NAT1: variants seen among roughly 807,000 people sequenced by gnomAD.
The protein encoded by NAT1 is N-acetyltransferase 1, also known as arylamine N-acetyltransferase 1.
For synonymous variants in NAT1, 144 were observed against 122.6 expected, an observed-to-expected ratio of 1.17 and a Z score of -1.16; for missense variants, 400 against 339.2, an observed-to-expected ratio of 1.18 and a Z score of -1.41.
chr8:18,187,936 A>ACACACACAC (rs1802810423), intron 2 of NAT1, among the ~76,000 whole-genome samples: 1 of 137,394 alleles, frequency 7.3e-6, no homozygotes, highest in African/African-American at 2.7e-5. Flanking sequence ...TTGTATCTTA[A>ACACACACAC]ACACACACAC....
intron 2 of NAT1, among the ~76,000 whole-genome samples, chr8:18,179,440 G>A (rs1802422010): frequency 2.0e-5 from 3 of 152,222 alleles, no homozygotes; most frequent in Admixed American, 2.0e-4. Flanking sequence ...TGGTTTTGAA[G>A]CACCAGCCTG....
chr8:18,192,119 C>G (rs1257864079), intron 2 of NAT1, among the ~76,000 whole-genome samples: 2 of 151,444 alleles, frequency 1.3e-5, no homozygotes, highest in Non-Finnish European at 2.9e-5. Flanking sequence ...CCAGAATCTA[C>G]AATGAACTCA....
At chr8:18,202,168 C>T (rs1803491634) in intron 2 of NAT1, among the ~76,000 whole-genome samples, 1 of 152,200 alleles carries the variant, frequency 6.6e-6, no homozygotes, top group Admixed American at 6.5e-5. Context: ...TTTTTCCTGG[C>T]AAGCTTGTCT....
At position 18,222,132 on chromosome 8, in the gene NAT1, C is replaced by A; in HGVS notation, c.85C>A (p.Gln29Lys). ...LDLETLTDIL[Q>K]HQIRAVPFEN... The stretch of plus-strand genomic sequence containing the variant: ...CTTGGAAACATTAACTGACATTCTT[C>A]AACACCAGATCCGAGCTGTTCCCTT... Residue 29 changes from glutamine (Q) to lysine (K), a missense_variant, in exon 3 of 3, where the codon CAA becomes AAA. Physicochemically the swap from Gln to Lys is moderately conservative, Grantham distance 53. Coordinates refer to ENST00000307719, the MANE Select transcript of NAT1 (RefSeq NM_000662.8). The A allele has an allele frequency of 3.1e-6, 5 of 1,614,138 alleles. No homozygotes were observed. The highest frequency in any genetic ancestry group is 4.2e-6 in the Non-Finnish European group (5 of 1,180,008).
At position 18,185,378 on chromosome 8, in the gene NAT1, G is replaced by A. The variant is rs58285354; in HGVS notation, n.92+14639G>A. ...TCTATTTTTCTTGTGACAGTTTTAT[G>A]CATTATATTTTTTCAGAAATGTGTT... On this transcript the variant is annotated intron_variant and non_coding_transcript_variant, in intron 2 of 4. Coordinates refer to the NAT1 transcript ENST00000517441. 5.7e-3 allele frequency among the ~76,000 whole-genome samples: 873 copies of A among 152,092 alleles called. 8 individuals carry two copies. Among genetic ancestry groups the A allele is most frequent in the African/African-American group, 0.02 (842 of 41,500 alleles).
upstream of NAT1, among the ~76,000 whole-genome samples, chr8:18,205,213 G>C (rs1319751474): frequency 6.6e-6 from 1 of 152,230 alleles, no homozygotes; most frequent in Non-Finnish European, 1.5e-5. Context: ...TGTCAGCTGA[G>C]GCAGAGTGCT....
At chr8:18,203,944 A>C (rs1803587930) in intron 2 of NAT1, among the ~76,000 whole-genome samples, 1 of 152,064 alleles carries the variant, frequency 6.6e-6, no homozygotes, top group African/African-American at 2.4e-5. Flanking sequence ...TCTGCCAGTC[A>C]CCTGTACTGT....
intron 2 of NAT1, among the ~76,000 whole-genome samples, chr8:18,172,882 C>A (rs1802148779): frequency 6.6e-6 from 1 of 152,070 alleles, no homozygotes; most frequent in Admixed American, 6.6e-5. Context: ...GGTCACCTGC[C>A]AGGGAGACTT....
intron 2 of NAT1, among the ~76,000 whole-genome samples, chr8:18,172,829 C>T (rs112227054): frequency 7.0e-4 from 106 of 152,158 alleles, no homozygotes; most frequent in African/African-American, 2.4e-3. Flanking sequence ...AATTTCTAGA[C>T]GGAGCAAATT....
At chr8:18,204,753 G>A (rs1589091973) in intron 2 of NAT1, among the ~76,000 whole-genome samples, 3 of 152,170 alleles carry the variant, frequency 2.0e-5, no homozygotes, top group African/African-American at 7.2e-5. Context: ...ATAGCCATAA[G>A]AGAATCAATT....
chr8:18,219,074 G>C (rs28359517), intron 1 of NAT1, among the ~76,000 whole-genome samples: 88 of 152,244 alleles, frequency 5.8e-4, no homozygotes, highest in African/African-American at 2.0e-3. Flanking sequence ...GGTAGTGACT[G>C]GGGGCATGGA....
chr8:18,201,889 C>A (rs960392601), intron 2 of NAT1, among the ~76,000 whole-genome samples: 6 of 152,328 alleles, frequency 3.9e-5, no homozygotes, highest in Middle Eastern at 3.4e-3. Flanking sequence ...TTGCCCTTTT[C>A]ATCAAAGGAC....
intron 2 of NAT1, among the ~76,000 whole-genome samples, chr8:18,189,124 C>T (rs915940646): frequency 1.3e-5 from 2 of 151,760 alleles, no homozygotes; most frequent in Non-Finnish European, 2.9e-5. Context: ...ACATAAAATG[C>T]ATTATTCACT....
chr8:18,189,544 T>A (rs1198191952), intron 2 of NAT1, among the ~76,000 whole-genome samples: 1 of 152,172 alleles, frequency 6.6e-6, no homozygotes, highest in African/African-American at 2.4e-5. Flanking sequence ...AAAGACATAT[T>A]TTTCTACCCC....
upstream of NAT1, among the ~76,000 whole-genome samples, chr8:18,205,918 G>T (rs28741069): frequency 0.013 from 2,024 of 152,288 alleles, 50 homozygotes; most frequent in African/African-American, 0.046. Context: ...TATTTGATGG[G>T]CAAGACCACC....
intron 2 of NAT1, among the ~76,000 whole-genome samples, chr8:18,178,461 T>G (rs1802377772): frequency 6.6e-6 from 1 of 152,118 alleles, no homozygotes; most frequent in African/African-American, 2.4e-5. Flanking sequence ...AGACATCTCT[T>G]CACTCACAGA....
chr8:18,188,507 CA>C (rs1355817964), intron 2 of NAT1, among the ~76,000 whole-genome samples: 5 of 151,758 alleles, frequency 3.3e-5, no homozygotes, highest in East Asian at 1.9e-4. Flanking sequence ...AAGTTTAAGT[CA>C]AAAAAAGTTG....
chr8:18,213,205 C>A (rs1018227675), intron 1 of NAT1, among the ~76,000 whole-genome samples: 2 of 152,046 alleles, frequency 1.3e-5, no homozygotes, highest in African/African-American at 4.8e-5. Context: ...AGCCATTGCA[C>A]CAAGACCCGA....
chr8:18,170,565 A>C (rs1802058576), intron 1 of NAT1: 1 of 152,146 alleles, frequency 6.6e-6, no homozygotes, highest in African/African-American at 2.4e-5. Context: ...ACCTCATCGG[A>C]GGTGGGGGCA....
Sources: allele counts gnomAD v4.1 joint callset (sites outside exome capture counted in the v4.1 genomes callset), GRCh38; gene constraint gnomAD v4.1.1; transcripts MANE v1.5; gene names NCBI Gene and HGNC (gene_info 2026-07-23, HGNC 2026-07-21).